ZNF221: variants seen among roughly 807,000 people sequenced by gnomAD.
The protein encoded by ZNF221 is zinc finger protein 221.
A neutral mutation model predicts 12.6 loss-of-function variants in ZNF221; 10 were observed. That is an observed-to-expected ratio of 0.79 (90% CI 0.49 to 1.34). The LOEUF (loss-of-function observed/expected upper bound fraction) is 1.34, where lower values mean the gene tolerates loss of function less well. Ranked by LOEUF, ZNF221 falls within the 40% of genes most tolerant of loss-of-function variation. ZNF221 has a pLI of 0.00. For missense variants in ZNF221, 661 were observed against 721.4 expected (o/e 0.92, Z 0.96); for synonymous variants, 232 against 244.0 (o/e 0.95, Z 0.46).
chr19:43,952,818 C>A (rs1160408846), intron 1 of ZNF221, among the ~76,000 whole-genome samples: 1 of 152,040 alleles, frequency 6.6e-6, no homozygotes, highest in East Asian at 1.9e-4. Flanking sequence ...TATTTTTTTT[C>A]ACTTATTACA....
intron 1 of ZNF221, among the ~76,000 whole-genome samples, chr19:43,955,895 GTATAAAC>G (rs1974747042): frequency 6.6e-6 from 1 of 152,134 alleles, no homozygotes; most frequent in Non-Finnish European, 1.5e-5. Flanking sequence ...GCATGACTCT[GTATAAAC>G]TATTTCCATT....
chr19:43,960,664 C>A (rs1050199587), intron 1 of ZNF221, among the ~76,000 whole-genome samples: 16 of 152,216 alleles, frequency 1.1e-4, no homozygotes, highest in African/African-American at 3.6e-4. Context: ...GCCCTGAATC[C>A]GGCCACTCTG....
intron 1 of ZNF221, among the ~76,000 whole-genome samples, chr19:43,958,703 G>C (rs1469952794): frequency 6.6e-6 from 1 of 152,216 alleles, no homozygotes; most frequent in Non-Finnish European, 1.5e-5. Context: ...AAGCTTAACA[G>C]GATGTCAGCA....
intron 1 of ZNF221, among the ~76,000 whole-genome samples, chr19:43,954,798 AG>A (rs1485085589): frequency 6.6e-6 from 1 of 152,078 alleles, no homozygotes; most frequent in African/African-American, 2.4e-5. Context: ...GAAAAAAAAA[AG>A]TGTAATCATT....
At chr19:43,953,501 G>A (rs997961823) in intron 1 of ZNF221, among the ~76,000 whole-genome samples, 9 of 152,084 alleles carry the variant, frequency 5.9e-5, no homozygotes, top group African/African-American at 2.2e-4. Flanking sequence ...GGCCACTGGT[G>A]ATCAGCTTAA....
At chr19:43,965,448 C>A in intron 4 of ZNF221, 123 bp downstream of exon 4, 2 of 767,226 alleles carry the variant, frequency 2.6e-6, no homozygotes, top group Non-Finnish European at 4.0e-6. Context: ...ATTGCAACTG[C>A]CTTCCTTCTT....
In ZNF221 at chr19:43,962,735, ACCTTCACTTG is replaced by A; in HGVS notation, c.10_19del (p.Pro4AsnfsTer13). ...CCTGGCACTTTCCAGGCATGATTTC[ACCTTCACTTG>A]AACTGCTTCATTCAGGACTCTGCAA... On this transcript the variant is annotated frameshift_variant, in exon 2 of 5. Coordinates refer to ENST00000587682, the MANE Select transcript of ZNF221 (RefSeq NM_001297588.2). LOFTEE classifies it high-confidence loss of function. 6.2e-7 allele frequency: 1 copy of A among 1,613,844 alleles called. No individual in the cohort carries two copies. The highest frequency in any genetic ancestry group is 8.5e-7 in the Non-Finnish European group (1 of 1,179,896).
the ZNF221 span, among the ~76,000 whole-genome samples, chr19:43,972,763 CAAAAA>C: frequency 2.9e-3 from 200 of 67,956 alleles, 2 homozygotes; most frequent in African/African-American, 9.5e-3. Flanking sequence ...AATAGTCTAC[CAAAAA>C]AAAAAAAAAA....
At chr19:43,970,766 G>A (rs1168431766), downstream of ZNF221, among the ~76,000 whole-genome samples, 1 of 152,184 alleles carries the variant, frequency 6.6e-6, no homozygotes, top group Admixed American at 6.5e-5. Context: ...ATGGAGTTAT[G>A]TAAAAAGACT....
chr19:43,964,536 GA>G (rs1315869379), intron 2 of ZNF221, among the ~76,000 whole-genome samples: 2 of 152,214 alleles, frequency 1.3e-5, no homozygotes, highest in African/African-American at 2.4e-5. Context: ...TCCACAGTTT[GA>G]GTATGAAAGG....
In ZNF221 at chr19:43,966,811, C is replaced by T. The variant is rs1486660106; in HGVS notation, c.1309C>T (p.Arg437Ter). 9.9e-6 allele frequency: 16 copies of T among 1,614,048 alleles called. No individual in the cohort carries two copies. The highest frequency in any genetic ancestry group is 6.7e-5 in the East Asian group (3 of 44,902). Residue 437 changes from arginine to a stop codon, truncating the protein, a stop_gained, in exon 5 of 5, where the codon CGA becomes TGA. Transcript: ENST00000587682. LOFTEE classifies it low-confidence loss of function (END_TRUNC). ...CGKGFYTNSRRSSHQRSHNGE... is the reference protein window; with the variant it reads ...CGKGFYTNSR ...GAAGGGATTTTATACAAATTCACGA[C>T]GATCTTCCCATCAGAGATCCCACAA...
Position 43,964,948 on chromosome 19 carries a change from A to G in ZNF221, c.82-2A>G. On this transcript the variant is annotated splice_acceptor_variant, in intron 2 of 4. Transcript: ENST00000587682. LOFTEE classifies it high-confidence loss of function. The stretch of plus-strand genomic sequence containing the variant: ...TTAGGTTTTGTATGTTGGATATTTT[A>G]GGAGGCAGTGACATTCAAGGATGTG... The G allele has an allele frequency of 3.7e-6, 6 of 1,614,090 alleles. No homozygotes were observed. Among genetic ancestry groups the G allele is most frequent in the Non-Finnish European group, 4.2e-6 (5 of 1,179,980 alleles).
chr19:43,961,291 A>G (rs1252552337), intron 1 of ZNF221, among the ~76,000 whole-genome samples: 1 of 152,140 alleles, frequency 6.6e-6, no homozygotes. Flanking sequence ...TACATTTTGT[A>G]TTTTGCTTTG....
chr19:43,971,653 AAAAAAAAGAC>A (rs1975099721), downstream of ZNF221, among the ~76,000 whole-genome samples: 1 of 151,978 alleles, frequency 6.6e-6, no homozygotes, highest in Admixed American at 6.6e-5. Flanking sequence ...GATAAAAAAA[AAAAAAAAGAC>A]AAAGCAAGGC....
intron 1 of ZNF221, among the ~76,000 whole-genome samples, chr19:43,957,632 C>T (rs1974778227): frequency 6.6e-6 from 1 of 152,084 alleles, no homozygotes; most frequent in Non-Finnish European, 1.5e-5. Context: ...TTTTAAATGA[C>T]CTTTAAAAAA....
intron 1 of ZNF221, among the ~76,000 whole-genome samples, chr19:43,957,837 G>C (rs1974780470): frequency 6.6e-6 from 1 of 152,174 alleles, no homozygotes; most frequent in Admixed American, 6.5e-5. Context: ...TCAATACTGA[G>C]CCACAAACAA....
chr19:43,975,743 G>C, the ZNF221 span, among the ~76,000 whole-genome samples: 1 of 152,150 alleles, frequency 6.6e-6, no homozygotes, highest in Non-Finnish European at 1.5e-5. Context: ...GAGAAATCTT[G>C]CAAGAAATAA....
intron 1 of ZNF221, among the ~76,000 whole-genome samples, chr19:43,955,248 T>C (rs1974736797): frequency 6.6e-6 from 1 of 152,056 alleles, no homozygotes; most frequent in Admixed American, 6.6e-5. Context: ...CCAGCTACAC[T>C]CAGGTCCTTC....
At chr19:43,972,930 T>C in the ZNF221 span, among the ~76,000 whole-genome samples, 146,709 of 152,152 alleles carry the variant, frequency 0.96, 70,951 homozygotes, top group Middle Eastern at 1. Context: ...GATACCAAAA[T>C]CTGGCAGAGA....
Sources: allele counts gnomAD v4.1 joint callset (sites outside exome capture counted in the v4.1 genomes callset), GRCh38; gene constraint gnomAD v4.1.1; transcripts MANE v1.5; gene names NCBI Gene and HGNC (gene_info 2026-07-23, HGNC 2026-07-21).